Variants in HMGCS1 observed in about 807,000 individuals in gnomAD.
The protein encoded by HMGCS1 is hydroxymethylglutaryl-CoA synthase, cytoplasmic.
A neutral mutation model predicts 52.3 loss-of-function variants in HMGCS1; 9 were observed. The ratio of observed to expected loss-of-function variants is 0.17; its 90% CI spans 0.10 to 0.30. The LOEUF is 0.30. HMGCS1 is among the 10% of genes least tolerant of loss of function. The pLI, the probability that HMGCS1 is intolerant of heterozygous loss-of-function variation, is 1.00. For synonymous variants in HMGCS1, 176 were observed against 214.4 expected (o/e 0.82, Z 1.57); for missense variants, 320 against 620.9 (o/e 0.52, Z 5.15).
At position 43,298,012 on chromosome 5, in the gene HMGCS1, G is replaced by A. The variant is rs777760218; in HGVS notation, c.571C>T (p.Arg191Ter). The change falls in exon 4 of 11, where the codon CGA becomes TGA. Residue 191 changes from arginine to a stop codon, truncating the protein, a stop_gained. Transcript: ENST00000325110. LOFTEE classifies it high-confidence loss of function. This position sits in a 1 kb window ranked among gnomAD's most constrained non-coding sequence, Gnocchi z 5.6. The stretch of plus-strand genomic sequence containing the variant: ...AAATGCTTTCCCAAGCACTTACCTC[G>A]TTCAAAAATTAAAGGAGCATTTGGC... ...IGPNAPLIFE[R>*]GLRGTHMQHA... 1.9e-6 allele frequency: 3 copies of A among 1,612,430 alleles called. No individual in the cohort carries two copies. The highest frequency in any genetic ancestry group is 1.3e-5 in the African/African-American group (1 of 74,756).
At chr5:43,299,899 G>A (rs762218913) in intron 2 of HMGCS1, among the ~76,000 whole-genome samples, 1 of 152,154 alleles carries the variant, frequency 6.6e-6, no homozygotes, top group Non-Finnish European at 1.5e-5. Context: ...TTCAAACAGA[G>A]GGGAGTTTTA....
intron 5 of HMGCS1, among the ~76,000 whole-genome samples, chr5:43,296,611 A>G (rs1754043253): frequency 6.6e-6 from 1 of 152,224 alleles, no homozygotes; most frequent in Non-Finnish European, 1.5e-5. Flanking sequence ...GTCAAGTGCA[A>G]AAAGATTATT....
chr5:43,292,690 G>T, intron 9 of HMGCS1, 53 bp from the exon 10 acceptor site: 1 of 1,540,794 alleles, frequency 6.5e-7, no homozygotes, highest in South Asian at 1.1e-5. Context: ...CAATTCATCT[G>T]GTAATAAAGC....
At chr5:43,303,435 G>A (rs1253481782) in intron 2 of HMGCS1, among the ~76,000 whole-genome samples, 2 of 152,256 alleles carry the variant, frequency 1.3e-5, no homozygotes, top group Non-Finnish European at 2.9e-5. Flanking sequence ...CAGGAGGAGA[G>A]CCCTGATCGG....
At chr5:43,293,000 A>G (rs1003569563) in intron 8 of HMGCS1, 27 bp from the exon 9 acceptor site, 44 of 1,556,912 alleles carry the variant, frequency 2.8e-5, no homozygotes, top group Non-Finnish European at 3.7e-5. Context: ...TTCAACATTA[A>G]AAGATTTTTT....
In HMGCS1 at chr5:43,298,455, C is replaced by G. The variant is rs35239179; in HGVS notation, c.448+63G>C. On this transcript the variant is annotated intron_variant, in intron 3 of 10. Transcript: ENST00000325110. The surrounding 1 kb of genome is among the most constrained non-coding windows in gnomAD (Gnocchi z 5.6). ...CGTATTGCATTAATTAAAGTGTCAT[C>G]TGGGTCTATTGAACCTTAGAAAAAA... The G allele has an allele frequency of 2.5e-5, 29 of 1,178,774 alleles. No individual in the cohort carries two copies. Among genetic ancestry groups the G allele is most frequent in the Non-Finnish European group, 3.3e-5 (27 of 815,408 alleles). The allele number at this position is 1,178,774 out of a possible 1,614,324, so 73.0% of individuals were successfully genotyped here.
chr5:43,294,535 T>C (rs1290439050), intron 7 of HMGCS1, 156 bp downstream of exon 7: 9 of 541,062 alleles, frequency 1.7e-5, no homozygotes, highest in East Asian at 3.0e-5. Flanking sequence ...CCTCAACCCA[T>C]ACATCTTTCA....
At chr5:43,299,199 T>G (rs959916940) in intron 2 of HMGCS1, among the ~76,000 whole-genome samples, 2 of 152,200 alleles carry the variant, frequency 1.3e-5, no homozygotes, top group African/African-American at 4.8e-5. Context: ...GGCTTCCATT[T>G]TATTCAAAAT....
chr5:43,303,927 T>C (rs1415444990), intron 2 of HMGCS1, among the ~76,000 whole-genome samples: 1 of 152,240 alleles, frequency 6.6e-6, no homozygotes, highest in African/African-American at 2.4e-5. Context: ...ACAACTCAGA[T>C]GGAGGACTAC....
Position 43,289,820 on chromosome 5 carries a change from C to A in HMGCS1, c.*1311G>T, listed in dbSNP as rs1012766823. ...TTTATTTTAGATAACTGAAACTTCA[C>A]AGAATTTAACAGCAAATAAAGTTTA... is the stretch of plus-strand genomic sequence containing the variant. On this transcript the variant is annotated 3_prime_UTR_variant, in exon 11 of 11. Coordinates refer to ENST00000325110, the MANE Select transcript of HMGCS1 (RefSeq NM_001098272.3). 3 of 152,500 alleles carry A rather than the reference C, an allele frequency of 2.0e-5. No individual in the cohort carries two copies. Among genetic ancestry groups the A allele is most frequent in the African/African-American group, 7.2e-5 (3 of 41,418 alleles). 9.4% of individuals were successfully genotyped at this position (152,500 alleles called of 1,614,324 possible).
intron 2 of HMGCS1, among the ~76,000 whole-genome samples, chr5:43,301,224 C>T (rs1467044149): frequency 1.3e-5 from 2 of 152,038 alleles, no homozygotes; most frequent in Non-Finnish European, 2.9e-5. Flanking sequence ...CAAGGAATTA[C>T]AAAAAACTTT....
Position 43,293,756 on chromosome 5 carries a change from C to A in HMGCS1, c.1183+300G>T, listed in dbSNP as rs184973387. 9.1e-3 allele frequency: 1,828 copies of A among 201,798 alleles called. 31 individuals carry two copies. The highest frequency in any genetic ancestry group is 0.041 in the South Asian group (271 of 6,672). 12.5% of individuals were successfully genotyped at this position (201,798 alleles called of 1,614,324 possible). On this transcript the variant is annotated intron_variant, in intron 8 of 10. Coordinates refer to ENST00000325110, the MANE Select transcript of HMGCS1 (RefSeq NM_001098272.3). ...TTTGACAGAGTCTCGCTCTGTCACCCAGGCTGGAGCACAGTGGTGTGATCT... is the reference window on the plus strand; with the variant it reads ...TTTGACAGAGTCTCGCTCTGTCACCAAGGCTGGAGCACAGTGGTGTGATCT...
At chr5:43,301,480 A>C (rs1754314683) in intron 2 of HMGCS1, among the ~76,000 whole-genome samples, 2 of 152,242 alleles carry the variant, frequency 1.3e-5, no homozygotes, top group African/African-American at 4.8e-5. Context: ...AAAAAAATGA[A>C]ACAGAAAAGA....
intron 2 of HMGCS1, among the ~76,000 whole-genome samples, chr5:43,307,067 A>ATTTTT (rs59297862): frequency 8.1e-6 from 1 of 123,692 alleles, no homozygotes; most frequent in Non-Finnish European, 1.7e-5. Flanking sequence ...TTCTCACATA[A>ATTTTT]TTTTTTTTTT....
chr5:43,297,141 A>G lies in HMGCS1; in HGVS notation c.600T>C (p.His200=). Residue 200 remains histidine (H), a synonymous_variant, in exon 5 of 11, where the codon CAT becomes CAC. Coordinates refer to ENST00000325110, the MANE Select transcript of HMGCS1 (RefSeq NM_001098272.3). ...TATCAGGCTTGTAAAAATCATAGGC[A>G]TGTTGCATATGTGTCCCACGAAGCC... is the stretch of plus-strand genomic sequence containing the variant. ...ERGLRGTHMQ[H]AYDFYKPDML... 1.2e-6 allele frequency: 2 copies of G among 1,612,930 alleles called. No individual in the cohort carries two copies. The highest frequency in any genetic ancestry group is 1.7e-5 in the Admixed American group (1 of 59,724).
Position 43,293,080 on chromosome 5 carries a change from A to G in HMGCS1, c.1184-107T>C, listed in dbSNP as rs1169224703. On this transcript the variant is annotated intron_variant, in intron 8 of 10. Coordinates refer to ENST00000325110, the MANE Select transcript of HMGCS1 (RefSeq NM_001098272.3). ...TGAGGCAAAACAACTTTTCATTTTC[A>G]TTAAAACTACTGGCTACTGATTAGT... is the stretch of plus-strand genomic sequence containing the variant. 5.9e-6 allele frequency: 5 copies of G among 847,364 alleles called. No homozygotes were observed. In the East Asian group the frequency reaches 1.0e-4, roughly 17 times the overall value. The allele number at this position is 847,364 out of a possible 1,614,324, so 52.5% of individuals were successfully genotyped here.
Position 43,290,832 on chromosome 5 carries a change from T to G in HMGCS1, c.*299A>C. ...GAAGTACACAATTCATTATACCATGTTTAAAAACCAAACATCATGCATACA... is the reference window on the plus strand; with the variant it reads ...GAAGTACACAATTCATTATACCATGGTTAAAAACCAAACATCATGCATACA... On this transcript the variant is annotated 3_prime_UTR_variant, in exon 11 of 11. Transcript: ENST00000325110. 1 of 274,230 alleles carries G rather than the reference T, an allele frequency of 3.6e-6. No individual in the cohort carries two copies. The highest frequency in any genetic ancestry group is 4.8e-5 in the Admixed American group (1 of 20,836). The allele number at this position is 274,230 out of a possible 1,614,324, so 17.0% of individuals were successfully genotyped here.
rs1753590937 is a variant in HMGCS1, at chr5:43,288,452, G to A, written c.*2679C>T. ...ACTGCCACTTCAGTGTTTCTTTCAG[G>A]ACACTCCAAACAGCAGACAAGAGAT... On this transcript the variant is annotated 3_prime_UTR_variant, in exon 11 of 11. Transcript: ENST00000325110. 6.6e-6 allele frequency: 1 copy of A among 152,122 alleles called. No individual in the cohort carries two copies. Among genetic ancestry groups the A allele is most frequent in the African/African-American group, 2.4e-5 (1 of 41,422 alleles). 9.4% of individuals were successfully genotyped at this position (152,122 alleles called of 1,614,324 possible).
Position 43,287,682 on chromosome 5 carries a change from C to T in HMGCS1, c.*3449G>A, listed in dbSNP as rs1041368999. The T allele has an allele frequency of 2.6e-5, 4 of 152,250 alleles. No homozygotes were observed. Among genetic ancestry groups the T allele is most frequent in the African/African-American group, 9.6e-5 (4 of 41,458 alleles). The allele number at this position is 152,250 out of a possible 1,614,324, so 9.4% of individuals were successfully genotyped here. ...CAGTTATCCACTAGCAACTTTCCAC[C>T]TAGGTCAAGGATGGCCCCATGGGCA... On this transcript the variant is annotated 3_prime_UTR_variant, in exon 11 of 11. Coordinates refer to ENST00000325110, the MANE Select transcript of HMGCS1 (RefSeq NM_001098272.3).
Sources: gnomAD v4.1 joint callset for allele counts (sites outside exome capture counted in the v4.1 genomes callset) on GRCh38, gnomAD v4.1.1 for gene constraint, Gnocchi (gnomAD v3.1) non-coding constraint, MANE v1.5 for transcripts, NCBI Gene and HGNC (gene_info 2026-07-23, HGNC 2026-07-21) for gene names.